The following LAD1 variants were observed in gnomAD, a reference collection of about 807,000 sequenced individuals.
The protein encoded by LAD1 is ladinin 1, also known as ladinin-1.
A neutral mutation model predicts 54.2 loss-of-function variants in LAD1; 53 were observed. The observed-to-expected ratio is 0.98, with a 90% CI of 0.78 to 1.23. LAD1 has a LOEUF of 1.23. LAD1 is among the 50% of genes most tolerant of loss of function. LAD1 has a pLI of 0.00. For synonymous variants in LAD1, 231 were observed against 257.7 expected (o/e 0.90, Z 0.99); for missense variants, 637 against 653.3 (o/e 0.98, Z 0.27).
At chr1:201,398,411 G>A (rs569767113) in intron 1 of LAD1, among the ~76,000 whole-genome samples, 5 of 152,292 alleles carry the variant, frequency 3.3e-5, no homozygotes, top group East Asian at 3.9e-4. Context: ...CTGGGCTACC[G>A]CAGGAGCCTC....
In LAD1 at chr1:201,386,146, C is replaced by T. The variant is rs1662079559; in HGVS notation, c.1026+189G>A. 3.3e-5 allele frequency among the ~76,000 whole-genome samples: 5 copies of T among 152,334 alleles called. No individual in the cohort carries two copies. The South Asian group carries it at 1.0e-3, about 32-fold the overall frequency. On this transcript the variant is annotated intron_variant, in intron 3 of 9. Transcript: ENST00000391967. ...TGGTGCCCCTTTAAGCTCCAGCAGCCTGCCCCATCTCAGCCTCCCTGCTCT... is the reference window on the plus strand; with the variant it reads ...TGGTGCCCCTTTAAGCTCCAGCAGCTTGCCCCATCTCAGCCTCCCTGCTCT...
chr1:201,387,145 C>A lies in LAD1; in HGVS notation c.216G>T (p.Lys72Asn). 6.5e-7 allele frequency: 1 copy of A among 1,534,248 alleles called. No homozygotes were observed. Among genetic ancestry groups the A allele is most frequent in the Non-Finnish European group, 8.7e-7 (1 of 1,143,438 alleles). Residue 72 changes from lysine (K) to asparagine (N), a missense_variant, in exon 3 of 10, where the codon AAG (lysine) becomes AAT (asparagine). Physicochemically the swap from Lys to Asn is moderately conservative, Grantham distance 94. Coordinates refer to ENST00000391967, the MANE Select transcript of LAD1 (RefSeq NM_005558.4). The part of the protein sequence containing the change: ...LPSVEEAEVP[K>N]PLPPASKDED... ...CATCTTTGGAGGCTGGGGGCAGTGG[C>A]TTGGGCACCTCTGCTTCTTCCACGC...
rs893568479 is a variant in LAD1 at position 201,399,294 on chromosome 1, T to C, written c.13A>G (p.Arg5Gly). 6.5e-7 allele frequency: 1 copy of C among 1,546,502 alleles called. No homozygotes were observed. ...CTGGACAGCGCGGACCAGTCCTTCC[T>C]GCTGACAGCCATGCTGCAGGAGCCC... is the stretch of plus-strand genomic sequence containing the variant. MAVS[R>G]KDWSALSSLA... The change falls in exon 1 of 10, where the codon AGG (arginine) becomes GGG (glycine). Residue 5 changes from arginine (R) to glycine (G), a missense_variant. Arg to Gly is a moderately radical substitution (Grantham distance 125). Coordinates refer to ENST00000391967, the MANE Select transcript of LAD1 (RefSeq NM_005558.4).
At position 201,384,787 on chromosome 1, in the gene LAD1, C is replaced by G. The variant is rs202111369; in HGVS notation, c.1175+5G>C. On this transcript the variant is annotated splice_donor_5th_base_variant and intron_variant, in intron 5 of 9. Transcript: ENST00000391967. Reference sequence around the variant, plus strand: ...AGAAAGAACCAGAGCCTCCAGGCCCCCCACCTGCGAGTTAGGGTTGTTTCC... The same window carrying G: ...AGAAAGAACCAGAGCCTCCAGGCCCGCCACCTGCGAGTTAGGGTTGTTTCC... 1,649 of 1,614,038 alleles carry G rather than the reference C, an allele frequency of 1.0e-3. 23 individuals carry two copies. The South Asian group carries it at 0.015, about 14-fold the overall frequency.
At chr1:201,391,958 A>T (rs1662202719) in intron 1 of LAD1, among the ~76,000 whole-genome samples, 4 of 152,256 alleles carry the variant, frequency 2.6e-5, no homozygotes, top group Admixed American at 1.3e-4. Flanking sequence ...CCAGAGTTAT[A>T]GCAACGACTG....
In LAD1 at chr1:201,385,797, G is replaced by C; in HGVS notation, c.1035C>G (p.Ile345Met). ...TATCTGCCTCTTCCTCCTTGCTGGG[G>C]ATTTTCACCTGGATGGAGCAGGGGG... ...RLPPVTLQVK[I>M]PSKEEEADMS... Residue 345 changes from isoleucine (I) to methionine (M), a missense_variant, in exon 4 of 10, where the codon ATC becomes ATG. By Grantham distance (10) the Ile-to-Met change is conservative (BLOSUM62 1). Transcript: ENST00000391967. The C allele has an allele frequency of 6.2e-7, 1 of 1,613,394 alleles. No homozygotes were observed. The highest frequency in any genetic ancestry group is 1.1e-5 in the South Asian group (1 of 91,054).
At chr1:201,398,551 C>T (rs1466411758) in intron 1 of LAD1, among the ~76,000 whole-genome samples, 1 of 152,148 alleles carries the variant, frequency 6.6e-6, no homozygotes, top group African/African-American at 2.4e-5. Flanking sequence ...CACCAATCTC[C>T]ATGAGGGGTG....
chr1:201,395,188 C>T (rs1371588850), intron 1 of LAD1, among the ~76,000 whole-genome samples: 1 of 152,170 alleles, frequency 6.6e-6, no homozygotes, highest in Non-Finnish European at 1.5e-5. Context: ...CAGCACCACC[C>T]CACCCTGGGG....
At chr1:201,382,770 A>C (rs1326090980) in intron 7 of LAD1, 31 bp from the exon 8 acceptor site, 1 of 1,533,584 alleles carries the variant, frequency 6.5e-7, no homozygotes, top group Admixed American at 1.9e-5. Flanking sequence ...CTCAGGGTTT[A>C]GGGCCCTTGG....
chr1:201,398,212 G>A (rs1662334779), intron 1 of LAD1, among the ~76,000 whole-genome samples: 2 of 152,178 alleles, frequency 1.3e-5, no homozygotes, highest in Admixed American at 1.3e-4. Flanking sequence ...GGACATACTA[G>A]AGCACTGGAA....
chr1:201,393,851 C>CTTTTT lies in LAD1; in HGVS notation c.39-4553_39-4549dup, dbSNP rs35169716. Among the ~76,000 whole-genome samples the CTTTTT allele has an allele frequency of 5.0e-4, 56 of 112,234 alleles. 1 individual carries two copies. The highest frequency in any genetic ancestry group is 8.0e-4 in the East Asian group (3 of 3,732). 73.6% of individuals were successfully genotyped at this position (112,234 alleles called of 152,430 possible). ...ATTAATGTACAGATCTTAAGTTTTG[C>CTTTTT]TTTTTTTTTTTTTTTTTTTGATGAG... On this transcript the variant is annotated intron_variant, in intron 1 of 9. Transcript: ENST00000391967.
At chr1:201,393,873 T>A (rs1662239837) in intron 1 of LAD1, among the ~76,000 whole-genome samples, 1 of 127,016 alleles carries the variant, frequency 7.9e-6, no homozygotes, top group Admixed American at 7.8e-5. Flanking sequence ...TTTTTTTTGA[T>A]GAGCAAACAA....
In LAD1 at chr1:201,381,376, C is replaced by T. The variant is rs564204408; in HGVS notation, c.*512G>A. The T allele has an allele frequency of 9.3e-4, 155 of 166,258 alleles. No homozygotes were observed. The South Asian group carries it at 0.017, about 18-fold the overall frequency. 10.3% of individuals were successfully genotyped at this position (166,258 alleles called of 1,614,324 possible). A position where few individuals can be genotyped will look rare whatever the true frequency, so the allele number is the denominator to read the frequency against. On this transcript the variant is annotated 3_prime_UTR_variant, in exon 10 of 10. Transcript: ENST00000391967. ...GGAGACGGGGCACAGGGAAGACGCA[C>T]GGCAGCTCCTTCTCCCCTGGCCAGA...
chr1:201,391,350 C>G (rs1192360439), intron 1 of LAD1, among the ~76,000 whole-genome samples: 1 of 152,192 alleles, frequency 6.6e-6, no homozygotes, highest in Non-Finnish European at 1.5e-5. Context: ...ATCTACTACT[C>G]GCCCACACAT....
At chr1:201,385,140 G>A (rs896346624) in intron 4 of LAD1, among the ~76,000 whole-genome samples, 1 of 152,166 alleles carries the variant, frequency 6.6e-6, no homozygotes, top group African/African-American at 2.4e-5. Flanking sequence ...AGCTCTGTGG[G>A]GGCACCAGTC....
At chr1:201,385,658 T>C in intron 4 of LAD1, 43 bp downstream of exon 4, 3 of 1,400,806 alleles carry the variant, frequency 2.1e-6, no homozygotes, top group Non-Finnish European at 3.0e-6. Context: ...TTCCTCCACT[T>C]GCCCTCCAGT....
chr1:201,384,144 G>T (rs1662026197), intron 5 of LAD1, among the ~76,000 whole-genome samples: 1 of 152,114 alleles, frequency 6.6e-6, no homozygotes, highest in Non-Finnish European at 1.5e-5. Flanking sequence ...TGCTGGGTGG[G>T]TGTGAGTTGC....
rs770572158 is a variant in LAD1 at position 201,386,411 on chromosome 1, T to C, written c.950A>G (p.Asn317Ser). The C allele has an allele frequency of 6.6e-7, 1 of 1,525,626 alleles. No individual in the cohort carries two copies. The highest frequency in any genetic ancestry group is 8.8e-7 in the Non-Finnish European group (1 of 1,141,468). 94.5% of individuals were successfully genotyped at this position (1,525,626 alleles called of 1,614,324 possible). ...EQRGRALPGKNLPSLAKQGAS... is the reference protein window; with the variant it reads ...EQRGRALPGKSLPSLAKQGAS... ...CCCCTGCTTTGCCAAAGAGGGCAGGTTCTTCCCAGGGAGGGCCCTTCCTCT... is the reference window on the plus strand; with the variant it reads ...CCCCTGCTTTGCCAAAGAGGGCAGGCTCTTCCCAGGGAGGGCCCTTCCTCT... The change falls in exon 3 of 10, where the codon AAC becomes AGC. Residue 317 changes from asparagine (N) to serine (S), a missense_variant. Asn to Ser is a conservative substitution (Grantham distance 46). Transcript: ENST00000391967.
intron 1 of LAD1, among the ~76,000 whole-genome samples, chr1:201,396,807 T>C (rs1662298944): frequency 6.6e-6 from 1 of 152,142 alleles, no homozygotes; most frequent in South Asian, 2.1e-4. Flanking sequence ...AACTCAGGTC[T>C]CTTCCAGCCC....
Sources: gnomAD v4.1 joint callset for allele counts (sites outside exome capture counted in the v4.1 genomes callset) on GRCh38, gnomAD v4.1.1 for gene constraint, MANE v1.5 for transcripts, NCBI Gene and HGNC (gene_info 2026-07-23, HGNC 2026-07-21) for gene names.